Variants in ACTN4 observed in about 807,000 individuals in gnomAD.
ACTN4 encodes actinin alpha 4, also known as alpha-actinin-4.
ACTN4 carries 18 observed loss-of-function variants against 114.2 expected under a neutral mutation model. The observed-to-expected ratio is 0.16, with a 90% CI of 0.11 to 0.23. The LOEUF is 0.23. Ranked by LOEUF, ACTN4 falls within the 10% of genes least tolerant of loss-of-function variation. The probability of loss-of-function intolerance (pLI) is 1.00; values close to 1 mark genes in which losing one functional copy is unlikely to be tolerated. For missense variants in ACTN4, 722 were observed against 1,262.9 expected, an observed-to-expected ratio of 0.57 and a Z score of 6.49; for synonymous variants, 515 against 506.3, an observed-to-expected ratio of 1.02 and a Z score of -0.23.
intron 1 of ACTN4, among the ~76,000 whole-genome samples, chr19:38,665,912 G>C (rs898814917): frequency 2.0e-5 from 3 of 152,166 alleles, no homozygotes; most frequent in African/African-American, 7.2e-5. Context: ...ACATCCCACA[G>C]CCTGGAGTCA....
chr19:38,711,338 C>G, intron 8 of ACTN4: 1 of 1,043,406 alleles, frequency 9.6e-7, no homozygotes, highest in Non-Finnish European at 1.2e-6. Flanking sequence ...CTGCTTCTAC[C>G]ACGCTTTCTC....
intron 7 of ACTN4, among the ~76,000 whole-genome samples, chr19:38,709,735 T>G (rs1968579616): frequency 6.6e-6 from 1 of 152,054 alleles, no homozygotes; most frequent in African/African-American, 2.4e-5. Context: ...AGCTGAAGGA[T>G]CAACTCTCCT....
chr19:38,700,593 T>C lies in ACTN4; in HGVS notation c.163-7T>C. ...TCTGCGCACTGTCCTTTGTTCTGCT[T>C]CCCCAGACCTTCACGGCATGGTGCA... On this transcript the variant is annotated splice_region_variant and splice_polypyrimidine_tract_variant and intron_variant, in intron 1 of 20. Coordinates refer to ENST00000252699, the MANE Select transcript of ACTN4 (RefSeq NM_004924.6). The C allele has an allele frequency of 6.2e-7, 1 of 1,611,370 alleles. No homozygotes were observed.
At position 38,673,756 on chromosome 19, in the gene ACTN4, T is replaced by TATAC. The variant is rs1189130923; in HGVS notation, c.162+25849_162+25850insATAC. Among the ~76,000 whole-genome samples the TATAC allele has an allele frequency of 9.7e-4, 51 of 52,712 alleles. 3 individuals carry two copies. The highest frequency in any genetic ancestry group is 2.3e-3 in the African/African-American group (51 of 22,318). The allele number at this position is 52,712 out of a possible 152,430, so 34.6% of individuals were successfully genotyped here. A position where few individuals can be genotyped will look rare whatever the true frequency, so the allele number is the denominator to read the frequency against. On this transcript the variant is annotated intron_variant, in intron 1 of 20. Transcript: ENST00000252699. Reference sequence around the variant, plus strand: ...ATATATTTATATATTTATATATATTTTTATATATATATATTTATATATGTA... The same window carrying TATAC: ...ATATATTTATATATTTATATATATTTATACTTATATATATATATTTATATATGTA...
At chr19:38,701,154 T>C (rs1399895671) in intron 3 of ACTN4, 33 bp downstream of exon 3, 1 of 1,613,006 alleles carries the variant, frequency 6.2e-7, no homozygotes, top group African/African-American at 1.3e-5. Flanking sequence ...AGGGTCCTGC[T>C]CGGTTTCTGA....
chr19:38,704,475 T>C (rs1280192406), intron 3 of ACTN4, among the ~76,000 whole-genome samples: 1 of 152,230 alleles, frequency 6.6e-6, no homozygotes, highest in East Asian at 1.9e-4. Flanking sequence ...GTAGTGCACA[T>C]TTGCTGACTG....
At chr19:38,721,850 G>C in intron 12 of ACTN4, 162 bp downstream of exon 12, 1 of 1,046,568 alleles carries the variant, frequency 9.6e-7, no homozygotes, top group Non-Finnish European at 1.4e-6. Context: ...GGCCTTATGG[G>C]ATGAGGCCTT....
In ACTN4 at chr19:38,723,628, A is replaced by G. The variant is rs1216563661; in HGVS notation, c.1457A>G (p.Tyr486Cys). The G allele has an allele frequency of 3.1e-6, 5 of 1,612,498 alleles. No homozygotes were observed. Among genetic ancestry groups the G allele is most frequent in the Non-Finnish European group, 4.2e-6 (5 of 1,179,370 alleles). ...CCGGCCCGCAGCGAGCTGGATTACT[A>G]CGACTCCCACAATGTCAACACCCGG... Reference protein sequence around the residue: ...IAQELNELDYYDSHNVNTRCQ... With the variant: ...IAQELNELDYCDSHNVNTRCQ... The change falls in exon 13 of 21, where the codon TAC (tyrosine) becomes TGC (cysteine). Residue 486 changes from tyrosine (Y) to cysteine (C), a missense_variant. Physicochemically the swap from Tyr to Cys is radical, Grantham distance 194. Around this residue, in one of 3 missense-constraint regions of ACTN4, gnomAD observed 523 missense variants for 875.9 expected, o/e 0.60. Transcript: ENST00000252699.
intron 1 of ACTN4, among the ~76,000 whole-genome samples, chr19:38,672,474 C>T (rs1355223622): frequency 1.3e-5 from 2 of 151,878 alleles, no homozygotes; most frequent in Non-Finnish European, 2.9e-5. Context: ...CTCCTGACCT[C>T]AAGTGACCCA....
At chr19:38,703,998 G>T (rs570566987) in intron 3 of ACTN4, among the ~76,000 whole-genome samples, 5 of 152,296 alleles carry the variant, frequency 3.3e-5, no homozygotes, top group Admixed American at 6.5e-5. Flanking sequence ...GGATGGCAGG[G>T]CCTGGGCCTT....
At chr19:38,653,016 G>A (rs1976612045) in intron 1 of ACTN4, among the ~76,000 whole-genome samples, 2 of 151,630 alleles carry the variant, frequency 1.3e-5, no homozygotes, top group East Asian at 1.9e-4. Context: ...AACCTGAGAG[G>A]TGGAGGTTGC....
intron 1 of ACTN4, among the ~76,000 whole-genome samples, chr19:38,654,543 C>G (rs1001986347): frequency 2.2e-5 from 3 of 136,658 alleles, no homozygotes; most frequent in Non-Finnish European, 4.6e-5. Context: ...GCCTGGACGA[C>G]AGAGTAAGGC....
rs1969385918 is a variant in ACTN4, at chr19:38,729,261, C to T, written c.2578-13C>T. On this transcript the variant is annotated splice_polypyrimidine_tract_variant and intron_variant, in intron 20 of 20. Coordinates refer to ENST00000252699, the MANE Select transcript of ACTN4 (RefSeq NM_004924.6). The stretch of plus-strand genomic sequence containing the variant: ...GGTGGGGATGGCTCAGAGTCCCATC[C>T]TGCCTGCCCCAGAACTTCATCACAG... 1 of 1,612,656 alleles carries T rather than the reference C, an allele frequency of 6.2e-7. No homozygotes were observed. The highest frequency in any genetic ancestry group is 8.5e-7 in the Non-Finnish European group (1 of 1,179,930).
At chr19:38,677,160 G>A (rs1344476573) in intron 1 of ACTN4, among the ~76,000 whole-genome samples, 1 of 152,008 alleles carries the variant, frequency 6.6e-6, no homozygotes, top group Non-Finnish European at 1.5e-5. Flanking sequence ...TAGGGCCGTC[G>A]CACCTGACAC....
chr19:38,729,917 T>C lies in ACTN4; in HGVS notation c.*485T>C. 2 of 349,142 alleles carry C rather than the reference T, an allele frequency of 5.7e-6. No individual in the cohort carries two copies. Among genetic ancestry groups the C allele is most frequent in the East Asian group, 7.6e-5 (1 of 13,140 alleles). 21.6% of individuals were successfully genotyped at this position (349,142 alleles called of 1,614,324 possible). ...CGGCTGGGGACCCACCCAGCCCCTC[T>C]CCCCTCTCTGCTCCAGACTCACTTG... On this transcript the variant is annotated 3_prime_UTR_variant, in exon 21 of 21. Coordinates refer to ENST00000252699, the MANE Select transcript of ACTN4 (RefSeq NM_004924.6).
intron 19 of ACTN4, chr19:38,728,410 G>GATC: frequency 2.6e-6 from 2 of 771,548 alleles, no homozygotes; most frequent in Non-Finnish European, 3.6e-6. Flanking sequence ...CCAGCCACCC[G>GATC]CTCCTCCTCC....
Position 38,731,011 on chromosome 19 carries a change from T to G in ACTN4, c.*1579T>G. On this transcript the variant is annotated 3_prime_UTR_variant, in exon 21 of 21. Transcript: ENST00000252699. ...GACCCCCTCACCCCCATCCAGGTGC[T>G]GGCTGCAGTGGCCTGTGCAGAGAGG... 2 of 1,553,002 alleles carry G rather than the reference T, an allele frequency of 1.3e-6. No individual in the cohort carries two copies.
Position 38,647,754 on chromosome 19 carries a change from C to A in ACTN4, c.9C>A (p.Asp3Glu). Residue 3 changes from aspartate to glutamate, a missense_variant, in exon 1 of 21, where the codon GAC (aspartate) becomes GAA (glutamate). Physicochemically the swap from Asp to Glu is conservative, Grantham distance 45. Around this residue, in one of 3 missense-constraint regions of ACTN4, gnomAD observed 72 missense variants for 75.6 expected, o/e 0.95. Transcript: ENST00000252699. ...GAGCGAGAGGCGGCGGAATGGTGGA[C>A]TACCACGCGGCGAACCAGTCGTACC... is the stretch of plus-strand genomic sequence containing the variant. MVDYHAANQSYQY... is the reference protein window; with the variant it reads MVEYHAANQSYQY... 1 of 1,548,224 alleles carries A rather than the reference C, an allele frequency of 6.5e-7. No homozygotes were observed. The highest frequency in any genetic ancestry group is 2.6e-5 in the East Asian group (1 of 39,042).
At position 38,729,224 on chromosome 19, in the gene ACTN4, G is replaced by A. The variant is rs778813701; in HGVS notation, c.2578-50G>A. ...TCCCTGCAGTGGGAGGGGCTGAGGG[G>A]GCCAGTGTGTGGGTGGGGATGGCTC... On this transcript the variant is annotated intron_variant, in intron 20 of 20. Coordinates refer to ENST00000252699, the MANE Select transcript of ACTN4 (RefSeq NM_004924.6). The A allele has an allele frequency of 1.4e-4, 232 of 1,612,164 alleles. 1 individual carries two copies. Among genetic ancestry groups the A allele is most frequent in the Non-Finnish European group, 1.9e-4 (222 of 1,179,828 alleles).
Sources: gnomAD v4.1 joint callset for allele counts (sites outside exome capture counted in the v4.1 genomes callset) on GRCh38, gnomAD v4.1.1 for gene constraint, gnomAD v4.1.1 regional missense constraint, MANE v1.5 for transcripts, NCBI Gene and HGNC (gene_info 2026-07-23, HGNC 2026-07-21) for gene names.